ITFG1: variants seen among roughly 807,000 people sequenced by gnomAD.
ITFG1 encodes the protein integrin alpha FG-GAP repeat containing 1, also known as T-cell immunomodulatory protein.
ITFG1 carries 34 observed loss-of-function variants against 81.8 expected under a neutral mutation model. The observed-to-expected ratio is 0.42, with a 90% confidence interval of 0.32 to 0.55. ITFG1 has a LOEUF of 0.55. Among genes scored for constraint, ITFG1 ranks in the 20% least tolerant of loss-of-function variants. The pLI is 0.17. For missense variants in ITFG1, 672 were observed against 755.4 expected (o/e 0.89, Z 1.29); for synonymous variants, 285 against 270.6 (o/e 1.05, Z -0.52).
In ITFG1 at chr16:47,258,724, A is replaced by G. The variant is rs1966168661; in HGVS notation, c.1238T>C (p.Val413Ala). The G allele has an allele frequency of 1.3e-6, 2 of 1,508,632 alleles. No homozygotes were observed. The highest frequency in any genetic ancestry group is 8.9e-7 in the Non-Finnish European group (1 of 1,117,738). 93.5% of individuals were successfully genotyped at this position (1,508,632 alleles called of 1,614,324 possible). ...CTTTGTATATCCTTTACTTAGCACTACAATGTCCAAGATTCCCTGGAAAAA... is the reference window on the plus strand; with the variant it reads ...CTTTGTATATCCTTTACTTAGCACTGCAATGTCCAAGATTCCCTGGAAAAA... ...DIYEDGILDI[V>A]VLSKGYTKND... The change falls in exon 12 of 18, where the codon GTA (valine) becomes GCA (alanine). Residue 413 changes from valine to alanine, a missense_variant. By Grantham distance (64) the Val-to-Ala change is moderately conservative. This residue lies in a region of ITFG1 where 560 missense variants were observed against 625.7 expected (regional missense o/e 0.90). Coordinates refer to ENST00000320640, the MANE Select transcript of ITFG1 (RefSeq NM_030790.5).
At chr16:47,325,912 C>G (rs139858338) in intron 8 of ITFG1, among the ~76,000 whole-genome samples, 2 of 152,098 alleles carry the variant, frequency 1.3e-5, no homozygotes, top group African/African-American at 4.8e-5. Context: ...GGAGCTGGTA[C>G]CACTCCTTAT....
At chr16:47,375,975 T>C in intron 6 of ITFG1, 35 bp from the exon 7 acceptor site, 2 of 1,323,202 alleles carry the variant, frequency 1.5e-6, no homozygotes, top group Non-Finnish European at 2.2e-6. Flanking sequence ...TAAAGTTTTG[T>C]AGTCTTACTG....
At chr16:47,321,868 C>A (rs760318479) in intron 8 of ITFG1, among the ~76,000 whole-genome samples, 1 of 151,926 alleles carries the variant, frequency 6.6e-6, no homozygotes, top group Non-Finnish European at 1.5e-5. Context: ...TTTTAAAATG[C>A]TCATAAACCA....
At chr16:47,163,141 T>C (rs567157405) in intron 14 of ITFG1, among the ~76,000 whole-genome samples, 2 of 152,346 alleles carry the variant, frequency 1.3e-5, no homozygotes, top group Admixed American at 1.3e-4. Context: ...TACTGAGATA[T>C]AATTCACATA....
chr16:47,334,772 A>G (rs932234824), intron 8 of ITFG1, among the ~76,000 whole-genome samples: 3 of 152,288 alleles, frequency 2.0e-5, no homozygotes, highest in Non-Finnish European at 4.4e-5. Context: ...CCATTTTATG[A>G]TATTACTCTC....
At chr16:47,291,476 C>G (rs117196835) in intron 10 of ITFG1, among the ~76,000 whole-genome samples, 259 of 152,230 alleles carry the variant, frequency 1.7e-3, no homozygotes, top group Non-Finnish European at 2.4e-3. Context: ...ATTGAAACGT[C>G]CATCTCTCTC....
At chr16:47,246,345 GA>G (rs894566804) in intron 12 of ITFG1, among the ~76,000 whole-genome samples, 4 of 151,698 alleles carry the variant, frequency 2.6e-5, no homozygotes, top group African/African-American at 9.7e-5. Context: ...TATTAAACAT[GA>G]AAAAATATGA....
chr16:47,430,361 C>T (rs549862361), intron 5 of ITFG1, among the ~76,000 whole-genome samples: 15 of 152,032 alleles, frequency 9.9e-5, no homozygotes, highest in Admixed American at 7.2e-4. Flanking sequence ...CCACCATGCC[C>T]GGACATCTTT....
At chr16:47,255,043 C>T (rs1015409545) in intron 12 of ITFG1, among the ~76,000 whole-genome samples, 9 of 152,042 alleles carry the variant, frequency 5.9e-5, no homozygotes, top group African/African-American at 1.2e-4. Flanking sequence ...GCCAAGATCG[C>T]GCCACTGCAC....
chr16:47,352,786 T>C (rs928019545), intron 8 of ITFG1, among the ~76,000 whole-genome samples: 3 of 152,140 alleles, frequency 2.0e-5, no homozygotes, highest in Non-Finnish European at 2.9e-5. Context: ...CTATTCACAA[T>C]AGCAAAGACT....
At chr16:47,342,389 C>T (rs1232299674) in intron 8 of ITFG1, among the ~76,000 whole-genome samples, 1 of 152,044 alleles carries the variant, frequency 6.6e-6, no homozygotes, top group Non-Finnish European at 1.5e-5. Context: ...ATAAAGAACC[C>T]ACAGCTAATA....
chr16:47,237,943 TA>T, intron 13 of ITFG1, 21 bp downstream of exon 13: 1 of 1,081,826 alleles, frequency 9.2e-7, no homozygotes, highest in Non-Finnish European at 1.4e-6. Flanking sequence ...GACATATTTA[TA>T]ACAGATATAA....
At chr16:47,201,720 T>C (rs1324310817) in intron 14 of ITFG1, among the ~76,000 whole-genome samples, 1 of 152,194 alleles carries the variant, frequency 6.6e-6, no homozygotes, top group Non-Finnish European at 1.5e-5. Context: ...GCACTCTATA[T>C]ATGTTATCTT....
At chr16:47,366,284 C>A (rs1452367600) in intron 7 of ITFG1, among the ~76,000 whole-genome samples, 3 of 152,058 alleles carry the variant, frequency 2.0e-5, no homozygotes, top group East Asian at 3.8e-4. Context: ...AGTATAAGTA[C>A]AAAGACATGT....
At chr16:47,405,379 G>A (rs185014116) in intron 6 of ITFG1, among the ~76,000 whole-genome samples, 62 of 152,198 alleles carry the variant, frequency 4.1e-4, no homozygotes, top group Admixed American at 1.0e-3. Flanking sequence ...TTAAAAATAG[G>A]TTTTAGGCTG....
At chr16:47,216,453 G>T (rs566032846) in intron 14 of ITFG1, among the ~76,000 whole-genome samples, 248 of 152,174 alleles carry the variant, frequency 1.6e-3, no homozygotes, top group Non-Finnish European at 3.0e-3. Context: ...CGCCCACCTT[G>T]GCCTCCGAAA....
intron 5 of ITFG1, among the ~76,000 whole-genome samples, chr16:47,430,749 G>C (rs1969085326): frequency 1.3e-5 from 2 of 152,082 alleles, no homozygotes; most frequent in Non-Finnish European, 1.5e-5. Context: ...AGGATCTCTG[G>C]AAAACAGTTT....
At position 47,372,056 on chromosome 16, in the gene ITFG1, G is replaced by T. The variant is rs565891696; in HGVS notation, c.720+3820C>A. The stretch of plus-strand genomic sequence containing the variant: ...AGCCCCCCAGTAGCTGGGACTACAG[G>T]CGCCCGCCACCGCACCCAGCTAATT... On this transcript the variant is annotated intron_variant, in intron 7 of 17. Coordinates refer to ENST00000320640, the MANE Select transcript of ITFG1 (RefSeq NM_030790.5). 4.7e-4 allele frequency among the ~76,000 whole-genome samples: 71 copies of T among 151,918 alleles called. 1 individual carries two copies. Among genetic ancestry groups the T allele is most frequent in the Middle Eastern group, 3.4e-3 (1 of 292 alleles).
chr16:47,163,898 G>A (rs1038591394), intron 14 of ITFG1, among the ~76,000 whole-genome samples: 3 of 144,362 alleles, frequency 2.1e-5, no homozygotes, highest in Non-Finnish European at 4.5e-5. Flanking sequence ...CAATAAACAC[G>A]TGAAAGAAGC....
Sources: allele counts gnomAD v4.1 joint callset (sites outside exome capture counted in the v4.1 genomes callset), GRCh38; gene constraint gnomAD v4.1.1; regional missense constraint gnomAD v4.1.1; transcripts MANE v1.5; gene names NCBI Gene and HGNC (gene_info 2026-07-23, HGNC 2026-07-21).